EIF2B3: variants seen among roughly 807,000 people sequenced by gnomAD.
The protein encoded by EIF2B3 is translation initiation factor eIF2B subunit gamma.
In EIF2B3, 20 loss-of-function variants were observed where a neutral mutation model predicts 54.1. That is an observed-to-expected ratio of 0.37 (90% CI 0.26 to 0.54). The LOEUF is 0.54. Ranked by LOEUF, EIF2B3 falls within the 20% of genes least tolerant of loss-of-function variation. The pLI is 0.86. For missense variants in EIF2B3, 448 were observed against 547.8 expected (o/e 0.82, Z 1.82); for synonymous variants, 153 against 188.1 (o/e 0.81, Z 1.52).
chr1:44,904,007 G>A (rs1643366724), intron 5 of EIF2B3, among the ~76,000 whole-genome samples: 1 of 152,156 alleles, frequency 6.6e-6, no homozygotes, highest in South Asian at 2.1e-4. Flanking sequence ...AACCCGGGAG[G>A]TGGAGGTTGC....
At chr1:44,980,274 C>T (rs1644498846) in intron 2 of EIF2B3, among the ~76,000 whole-genome samples, 1 of 152,032 alleles carries the variant, frequency 6.6e-6, no homozygotes, top group Non-Finnish European at 1.5e-5. Context: ...ACCATTCTAG[C>T]TAACATGGTG....
intron 4 of EIF2B3, among the ~76,000 whole-genome samples, chr1:44,939,996 G>A (rs1644002840): frequency 6.6e-6 from 1 of 152,074 alleles, no homozygotes. Flanking sequence ...AGAACAAAAA[G>A]ACTGATCAGC....
intron 6 of EIF2B3, among the ~76,000 whole-genome samples, chr1:44,887,136 C>A (rs956845707): frequency 2.0e-5 from 3 of 152,158 alleles, no homozygotes. Context: ...AATTTCTGAT[C>A]CAAACTAGGT....
chr1:44,966,692 A>G (rs955624177), intron 3 of EIF2B3, among the ~76,000 whole-genome samples: 7 of 152,170 alleles, frequency 4.6e-5, no homozygotes, highest in Non-Finnish European at 1.0e-4. Context: ...AAAAATTACA[A>G]ACAGAAAACA....
intron 6 of EIF2B3, among the ~76,000 whole-genome samples, chr1:44,889,154 G>T (rs1450413211): frequency 6.6e-6 from 1 of 152,196 alleles, no homozygotes; most frequent in Non-Finnish European, 1.5e-5. Flanking sequence ...CTAAGCACCT[G>T]GGAAGTTACC....
intron 5 of EIF2B3, among the ~76,000 whole-genome samples, chr1:44,925,905 C>T (rs914511302): frequency 6.7e-6 from 1 of 148,576 alleles, no homozygotes; most frequent in African/African-American, 2.5e-5. Flanking sequence ...GCCTGGGCAA[C>T]AGAGCAAGAC....
Position 44,874,396 on chromosome 1 carries a change from A to G in EIF2B3, c.1202+282T>C, listed in dbSNP as rs1655054433. The G allele has an allele frequency of 1.3e-5, 5 of 398,276 alleles. No individual in the cohort carries two copies. In the South Asian group the frequency reaches 1.7e-4, roughly 14 times the overall value. 24.7% of individuals were successfully genotyped at this position (398,276 alleles called of 1,614,324 possible). The stretch of plus-strand genomic sequence containing the variant: ...TGCCCCATTTAGAGCTGTCATTCTT[A>G]TCTCTGTTCACTGTTATCCCATGGA... On this transcript the variant is annotated intron_variant, in intron 10 of 11. Transcript: ENST00000360403.
chr1:44,877,219 A>AAAAAAAAAAAC, intron 8 of EIF2B3, among the ~76,000 whole-genome samples: 1 of 150,510 alleles, frequency 6.6e-6, no homozygotes, highest in African/African-American at 2.5e-5. Context: ...AAAAAAAAAA[A>AAAAAAAAAAAC]AAACACCTTA....
chr1:44,920,665 T>C (rs983267358), intron 5 of EIF2B3, among the ~76,000 whole-genome samples: 2 of 152,200 alleles, frequency 1.3e-5, no homozygotes, highest in Admixed American at 6.6e-5. Flanking sequence ...CCTGGCTTAT[T>C]TCACTTAACA....
At chr1:44,906,477 T>A (rs760192881) in intron 5 of EIF2B3, among the ~76,000 whole-genome samples, 1 of 152,230 alleles carries the variant, frequency 6.6e-6, no homozygotes. Context: ...CTCGACTCAC[T>A]GCAACCTCCG....
chr1:44,984,470 C>CA lies in EIF2B3; in HGVS notation c.-10+2022dup, dbSNP rs960654666. Among the ~76,000 whole-genome samples, 232 of 141,970 alleles carry CA rather than the reference C, an allele frequency of 1.6e-3. 1 individual carries two copies. The highest frequency in any genetic ancestry group is 4.5e-3 in the African/African-American group (174 of 38,850). The allele number at this position is 141,970 out of a possible 152,430, so 93.1% of individuals were successfully genotyped here. Reference sequence around the variant, plus strand: ...TGGGCAACAGAGTGAGACCCTGTCCCAAAAAAAAAAAGTCAAAAGATGAGT... The same window carrying CA: ...TGGGCAACAGAGTGAGACCCTGTCCCAAAAAAAAAAAAGTCAAAAGATGAGT... On this transcript the variant is annotated intron_variant, in intron 1 of 11. Transcript: ENST00000360403.
intron 3 of EIF2B3, among the ~76,000 whole-genome samples, chr1:44,962,521 C>G (rs756259953): frequency 5.3e-5 from 8 of 152,082 alleles, no homozygotes; most frequent in Non-Finnish European, 1.0e-4. Context: ...GGGGATCCTC[C>G]CTCTTCAGCT....
intron 3 of EIF2B3, among the ~76,000 whole-genome samples, chr1:44,967,670 G>A (rs1257111333): frequency 6.6e-6 from 1 of 150,398 alleles, no homozygotes; most frequent in East Asian, 2.0e-4. Flanking sequence ...AACCCAGGAG[G>A]CAGAGGTTGC....
chr1:44,959,055 C>T, intron 3 of EIF2B3: 1 of 750,596 alleles, frequency 1.3e-6, no homozygotes, highest in East Asian at 2.5e-5. Flanking sequence ...TTATGGAACG[C>T]CATCTTCAGC....
intron 10 of EIF2B3, among the ~76,000 whole-genome samples, chr1:44,866,889 T>C (rs189786366): frequency 5.2e-4 from 79 of 152,068 alleles, no homozygotes; most frequent in African/African-American, 1.8e-3. Context: ...CATGGAAGAG[T>C]TGGAATATGC....
At chr1:44,875,761 C>A (rs192898790) in intron 8 of EIF2B3, 66 bp from the exon 9 acceptor site, 1 of 1,248,636 alleles carries the variant, frequency 8.0e-7, no homozygotes, top group Non-Finnish European at 1.2e-6. Context: ...CTCTCCCTCT[C>A]CCTCTACCTC....
Position 44,978,467 on chromosome 1 carries a change from G to C in EIF2B3, c.149-7C>G, listed in dbSNP as rs549453394. On this transcript the variant is annotated splice_polypyrimidine_tract_variant and splice_region_variant and intron_variant, in intron 2 of 11. Transcript: ENST00000360403. ...GTTGTAACCACAATGACTTCTATAG[G>C]ACAAAAGAAAAAAAGAAAGAAAAAC... 2 of 1,610,288 alleles carry C rather than the reference G, an allele frequency of 1.2e-6. No homozygotes were observed. Among genetic ancestry groups the C allele is most frequent in the South Asian group, 1.1e-5 (1 of 90,734 alleles).
chr1:44,984,747 G>T (rs1569902674), intron 1 of EIF2B3, among the ~76,000 whole-genome samples: 1 of 142,722 alleles, frequency 7.0e-6, no homozygotes, highest in African/African-American at 2.7e-5. Context: ...CAGAGTTGTT[G>T]TTAAGATTAA....
chr1:44,905,977 C>T (rs1022460272), intron 5 of EIF2B3, among the ~76,000 whole-genome samples: 1 of 152,184 alleles, frequency 6.6e-6, no homozygotes, highest in African/African-American at 2.4e-5. Context: ...AGAAGCATCT[C>T]ACTCCCCAAG....
Sources: gnomAD v4.1 joint callset for allele counts (sites outside exome capture counted in the v4.1 genomes callset) on GRCh38, gnomAD v4.1.1 for gene constraint, MANE v1.5 for transcripts, NCBI Gene and HGNC (gene_info 2026-07-23, HGNC 2026-07-21) for gene names.